The following PRKN variants were observed in gnomAD, a reference collection of about 807,000 sequenced individuals.
PRKN encodes parkin RBR E3 ubiquitin protein ligase, also known as E3 ubiquitin-protein ligase parkin.
Under a neutral mutation model 59.5 loss-of-function variants are expected in PRKN, and 56 were observed. The observed-to-expected ratio is 0.94, with a 90% CI of 0.76 to 1.18. The LOEUF (loss-of-function observed/expected upper bound fraction) is 1.18, where lower values mean the gene tolerates loss of function less well. Among genes scored for constraint, PRKN ranks in the 50% most tolerant of loss-of-function variants. The pLI is 0.00. For missense variants in PRKN, 657 were observed against 596.4 expected (o/e 1.10, Z -1.06); for synonymous variants, 250 against 222.1 (o/e 1.13, Z -1.12).
rs9365437 is a variant in PRKN, at chr6:162,450,329, G to A, written c.8-6856C>T. Among the ~76,000 whole-genome samples, 515 of 94,354 alleles carry A rather than the reference G, an allele frequency of 5.5e-3. 2 individuals carry two copies. Among genetic ancestry groups the A allele is most frequent in the East Asian group, 0.042 (164 of 3,912 alleles). The allele number at this position is 94,354 out of a possible 152,430, so 61.9% of individuals were successfully genotyped here. A position where few individuals can be genotyped will look rare whatever the true frequency, so the allele number is the denominator to read the frequency against. On this transcript the variant is annotated intron_variant, in intron 1 of 11. Coordinates refer to ENST00000366898, the MANE Select transcript of PRKN (RefSeq NM_004562.3). The stretch of plus-strand genomic sequence containing the variant: ...AATATGAACGCCCGTGAATGTAAAC[G>A]CCCCTGTGATTGTAATCCCCCTGTG...
chr6:161,661,195 T>G lies in PRKN; in HGVS notation c.872-91779A>C, dbSNP rs547901868. On this transcript the variant is annotated intron_variant, in intron 7 of 11. Coordinates refer to ENST00000366898, the MANE Select transcript of PRKN (RefSeq NM_004562.3). ...TGACTTTCTGCTTAGAACTCTTCAA[T>G]CCTTTCTCATCTTATCCTAAAGAAA... is the stretch of plus-strand genomic sequence containing the variant. Among the ~76,000 whole-genome samples, 6 of 152,282 alleles carry G rather than the reference T, an allele frequency of 3.9e-5. No homozygotes were observed. The East Asian group carries it at 1.2e-3, about 29-fold the overall frequency.
rs1395163695 is a variant in PRKN at position 161,576,570 on chromosome 6, T to G, written c.872-7154A>C. The stretch of plus-strand genomic sequence containing the variant: ...GCACCCACTTTGTGCCAGGCACTAT[T>G]ACGACACTTGGGTCGCAGCCGTGAA... On this transcript the variant is annotated intron_variant, in intron 7 of 11. Coordinates refer to ENST00000366898, the MANE Select transcript of PRKN (RefSeq NM_004562.3). The surrounding 1 kb of genome is among the most constrained non-coding windows in gnomAD (Gnocchi z 4.6). Among the ~76,000 whole-genome samples the G allele has an allele frequency of 2.0e-5, 3 of 152,384 alleles. No homozygotes were observed. The South Asian group carries it at 6.2e-4, about 32-fold the overall frequency.
chr6:162,013,634 A>T (rs776191714), intron 5 of PRKN, among the ~76,000 whole-genome samples: 6 of 152,184 alleles, frequency 3.9e-5, no homozygotes, highest in Non-Finnish European at 5.9e-5. Flanking sequence ...CACAGTGTTT[A>T]TTCGAGACTC....
At chr6:162,014,377 G>T (rs1353730329) in intron 5 of PRKN, among the ~76,000 whole-genome samples, 1 of 152,136 alleles carries the variant, frequency 6.6e-6, no homozygotes, top group Non-Finnish European at 1.5e-5. Context: ...GTCTCTAGCT[G>T]AGGCCCTGGG....
At chr6:161,479,480 A>G (rs879508069) in intron 9 of PRKN, among the ~76,000 whole-genome samples, 4 of 152,182 alleles carry the variant, frequency 2.6e-5, no homozygotes, top group Non-Finnish European at 5.9e-5. Context: ...TCAGAACGCA[A>G]GCAGCAATGC....
chr6:162,660,425 C>T (rs1778834516), intron 1 of PRKN, among the ~76,000 whole-genome samples: 1 of 152,154 alleles, frequency 6.6e-6, no homozygotes, highest in Non-Finnish European at 1.5e-5. Context: ...TCTTTGTATG[C>T]AATTTCCTCT....
intron 7 of PRKN, among the ~76,000 whole-genome samples, chr6:161,749,963 T>A (rs911482202): frequency 2.0e-5 from 3 of 152,138 alleles, no homozygotes; most frequent in Non-Finnish European, 4.4e-5. Flanking sequence ...AATGCTGATT[T>A]TATAGTCCTC....
At chr6:162,158,505 C>A (rs1782622729) in intron 4 of PRKN, among the ~76,000 whole-genome samples, 1 of 151,432 alleles carries the variant, frequency 6.6e-6, no homozygotes, top group South Asian at 2.1e-4. Flanking sequence ...AAACTTGGCT[C>A]ACTGCAATCT....
At chr6:162,679,074 C>CTTTATTTATTTA (rs71008105) in intron 1 of PRKN, among the ~76,000 whole-genome samples, 13,761 of 138,048 alleles carry the variant, frequency 0.1, 809 homozygotes, top group East Asian at 0.19. Flanking sequence ...TGTGCCTGGC[C>CTTTATTTATTTA]TTTATTTATT....
At chr6:162,383,145 A>G (rs907444143) in intron 2 of PRKN, among the ~76,000 whole-genome samples, 1 of 152,184 alleles carries the variant, frequency 6.6e-6, no homozygotes, top group Non-Finnish European at 1.5e-5. Context: ...TAATGTTAAT[A>G]TTTTGACCTC....
rs530533642 is a variant in PRKN at position 161,805,350 on chromosome 6, C to T, written c.735-19442G>A. On this transcript the variant is annotated intron_variant, in intron 6 of 11. Transcript: ENST00000366898. ...AATATCCATCCTCACAGACCTTATA[C>T]CCTCATCACATCTGGAAGCGTTCTT... 2.6e-5 allele frequency among the ~76,000 whole-genome samples: 4 copies of T among 152,184 alleles called. No homozygotes were observed. In the East Asian group the frequency reaches 7.7e-4, roughly 29 times the overall value.
rs1485208756 is a variant in PRKN, at chr6:161,448,484, G to C, written c.1084-61607C>G. On this transcript the variant is annotated intron_variant, in intron 9 of 11. Coordinates refer to ENST00000366898, the MANE Select transcript of PRKN (RefSeq NM_004562.3). The surrounding 1 kb of genome is among the most constrained non-coding windows in gnomAD (Gnocchi z 5.1). ...AATGCTGATTTCGGGGGGCATTTTTGCTTCAAATTTGTAAAAAGCAAAGGT... is the reference window on the plus strand; with the variant it reads ...AATGCTGATTTCGGGGGGCATTTTTCCTTCAAATTTGTAAAAAGCAAAGGT... Among the ~76,000 whole-genome samples the C allele has an allele frequency of 1.3e-5, 2 of 152,080 alleles. No homozygotes were observed. Among genetic ancestry groups the C allele is most frequent in the Non-Finnish European group, 2.9e-5 (2 of 68,020 alleles).
intron 7 of PRKN, among the ~76,000 whole-genome samples, chr6:161,653,770 G>A (rs1287805823): frequency 1.3e-5 from 2 of 152,186 alleles, no homozygotes; most frequent in Middle Eastern, 3.2e-3. Context: ...TGTTAGGAGA[G>A]CACATTTAAG....
chr6:162,386,608 G>A (rs539739829), intron 2 of PRKN, among the ~76,000 whole-genome samples: 3 of 152,306 alleles, frequency 2.0e-5, no homozygotes, highest in African/African-American at 7.2e-5. Flanking sequence ...TGGCCCTCAG[G>A]AGGCTGCCCT....
intron 5 of PRKN, among the ~76,000 whole-genome samples, chr6:161,996,398 A>C (rs538726088): frequency 6.6e-6 from 1 of 152,306 alleles, no homozygotes; most frequent in South Asian, 2.1e-4. Flanking sequence ...ATGTTTCTTC[A>C]AGCCAGCAGT....
At chr6:161,670,709 GGGA>G (rs1437879369) in intron 7 of PRKN, among the ~76,000 whole-genome samples, 1 of 152,032 alleles carries the variant, frequency 6.6e-6, no homozygotes, top group African/African-American at 2.4e-5. Context: ...CCAGCTACTC[GGGA>G]GGCTGAGGCA....
At position 161,522,647 on chromosome 6, in the gene PRKN, G is replaced by A. The variant is rs564477944; in HGVS notation, c.1083+26207C>T. On this transcript the variant is annotated intron_variant, in intron 9 of 11. Transcript: ENST00000366898. ...GTACATGACAGAAGACATTCTCACT[G>A]TCTTGAGGCTAGAGAAAGCTGGTGT... Among the ~76,000 whole-genome samples, 3 of 152,372 alleles carry A rather than the reference G, an allele frequency of 2.0e-5. No individual in the cohort carries two copies. The South Asian group carries it at 6.2e-4, about 32-fold the overall frequency.
At chr6:162,423,424 C>G (rs570113147) in intron 2 of PRKN, among the ~76,000 whole-genome samples, 170 of 152,252 alleles carry the variant, frequency 1.1e-3, no homozygotes, top group African/African-American at 4.0e-3. Context: ...TTTCCTCTTT[C>G]ATTTTTTATT....
At chr6:161,790,716 C>T (rs993837681) in intron 6 of PRKN, among the ~76,000 whole-genome samples, 2 of 152,052 alleles carry the variant, frequency 1.3e-5, no homozygotes, top group Non-Finnish European at 2.9e-5. Flanking sequence ...TCTCCGGAAC[C>T]GTGAGAAATA....
Sources: gnomAD v4.1 joint callset for allele counts (sites outside exome capture counted in the v4.1 genomes callset) on GRCh38, gnomAD v4.1.1 for gene constraint, Gnocchi (gnomAD v3.1) non-coding constraint, MANE v1.5 for transcripts, NCBI Gene and HGNC (gene_info 2026-07-23, HGNC 2026-07-21) for gene names.